MGMT: variants seen among roughly 807,000 people sequenced by gnomAD.
MGMT encodes the protein methylated-DNA--protein-cysteine methyltransferase.
A neutral mutation model predicts 15.9 loss-of-function variants in MGMT; 14 were observed. The ratio of observed to expected loss-of-function variants is 0.88; its 90% CI spans 0.58 to 1.37. The LOEUF is 1.37. Ranked by LOEUF, MGMT falls within the 40% of genes most tolerant of loss-of-function variation. The pLI is 0.00. For missense variants in MGMT, 282 were observed against 268.1 expected (o/e 1.05, Z -0.36); for synonymous variants, 130 against 118.2 (o/e 1.10, Z -0.65).
intron 1 of MGMT, among the ~76,000 whole-genome samples, chr10:129,521,157 T>G (rs12265555): frequency 0.25 from 37,779 of 152,032 alleles, 5,643 homozygotes; most frequent in African/African-American, 0.42. Context: ...TGTCTGGGCC[T>G]CTCAGAGCTC....
chr10:129,741,604 A>G (rs1848634323), intron 3 of MGMT, among the ~76,000 whole-genome samples: 2 of 152,062 alleles, frequency 1.3e-5, no homozygotes, highest in Non-Finnish European at 2.9e-5. Context: ...TTTTGGGGAG[A>G]GGGAGGCGGT....
rs115671092 is a variant in MGMT, at chr10:129,591,178, C to T, written c.125+54801C>T. On this transcript the variant is annotated intron_variant, in intron 2 of 4. Coordinates refer to ENST00000651593, the MANE Select transcript of MGMT (RefSeq NM_002412.5). ...AAGGCGAGACTGGCCAGAACTGGGA[C>T]GGGCATGATGAGTGGCCGTGTTTCA... is the stretch of plus-strand genomic sequence containing the variant. Among the ~76,000 whole-genome samples, 813 of 152,204 alleles carry T rather than the reference C, an allele frequency of 5.3e-3. 7 individuals carry two copies. The highest frequency in any genetic ancestry group is 0.019 in the African/African-American group (769 of 41,532).
chr10:129,626,873 G>A (rs1345255446), intron 2 of MGMT, among the ~76,000 whole-genome samples: 1 of 152,242 alleles, frequency 6.6e-6, no homozygotes, highest in East Asian at 1.9e-4. Context: ...TGGAGCTGGT[G>A]TAAGGAGATG....
intron 2 of MGMT, chr10:129,701,171 G>A (rs1848094911): frequency 6.6e-6 from 1 of 152,262 alleles, no homozygotes; most frequent in South Asian, 2.1e-4. Context: ...TGGAAGCCTT[G>A]CGTCCAAGCT....
intron 2 of MGMT, among the ~76,000 whole-genome samples, chr10:129,575,381 C>T (rs1341471742): frequency 1.3e-5 from 2 of 151,868 alleles, no homozygotes; most frequent in African/African-American, 4.8e-5. Flanking sequence ...TTAAGAATCT[C>T]ACTCAAAACC....
rs145803324 is a variant in MGMT, at chr10:129,503,243, G to T, written c.-12-32998G>T. On this transcript the variant is annotated intron_variant, in intron 1 of 4. Transcript: ENST00000651593. ...TATTGTGCAATGCACTTGGGGGTCAGCTACACTTGACTGATGCATGATTTA... is the reference window on the plus strand; with the variant it reads ...TATTGTGCAATGCACTTGGGGGTCATCTACACTTGACTGATGCATGATTTA... 5.9e-3 allele frequency among the ~76,000 whole-genome samples: 895 copies of T among 152,268 alleles called. 10 individuals carry two copies. The highest frequency in any genetic ancestry group is 0.024 in the Middle Eastern group (7 of 294).
intron 2 of MGMT, among the ~76,000 whole-genome samples, chr10:129,562,409 A>G (rs767227160): frequency 3.9e-5 from 6 of 152,232 alleles, no homozygotes; most frequent in Non-Finnish European, 5.9e-5. Context: ...CTCGTGGTAC[A>G]AAAACATGGA....
At chr10:129,567,176 C>T (rs938752503) in intron 2 of MGMT, among the ~76,000 whole-genome samples, 7 of 152,168 alleles carry the variant, frequency 4.6e-5, no homozygotes, top group Non-Finnish European at 7.3e-5. Flanking sequence ...GCGTTCAGCC[C>T]GTGCGGGTGG....
At chr10:129,530,851 C>G (rs1473139116) in intron 1 of MGMT, among the ~76,000 whole-genome samples, 1 of 152,228 alleles carries the variant, frequency 6.6e-6, no homozygotes, top group Non-Finnish European at 1.5e-5. Context: ...TGGCTCCTCG[C>G]CCGGGGGCCC....
At chr10:129,700,772 A>G (rs990067793) in intron 2 of MGMT, 3 of 152,266 alleles carry the variant, frequency 2.0e-5, no homozygotes, top group African/African-American at 7.2e-5. Flanking sequence ...CCCCTGAAAG[A>G]AAACATCTGA....
chr10:129,570,638 TA>T (rs1297042710), intron 2 of MGMT, among the ~76,000 whole-genome samples: 2 of 152,252 alleles, frequency 1.3e-5, no homozygotes, highest in African/African-American at 4.8e-5. Flanking sequence ...TATTACCTAC[TA>T]AATCTAATCT....
intron 1 of MGMT, among the ~76,000 whole-genome samples, chr10:129,500,220 C>A (rs1047280206): frequency 6.6e-6 from 1 of 152,144 alleles, no homozygotes. Context: ...TCCTCATTGG[C>A]GCTGATTTGG....
At chr10:129,646,669 G>A (rs1385493351) in intron 2 of MGMT, among the ~76,000 whole-genome samples, 10 of 145,318 alleles carry the variant, frequency 6.9e-5, no homozygotes, top group Non-Finnish European at 1.5e-4. Context: ...GCATTATGGG[G>A]AATGCAAAAT....
chr10:129,605,396 A>G (rs1448221235), intron 2 of MGMT, among the ~76,000 whole-genome samples: 1 of 152,096 alleles, frequency 6.6e-6, no homozygotes, highest in Non-Finnish European at 1.5e-5. Flanking sequence ...ATTAATTTCT[A>G]TTCTGTTTTC....
chr10:129,754,126 C>T (rs1031095138), intron 3 of MGMT, among the ~76,000 whole-genome samples: 1 of 152,112 alleles, frequency 6.6e-6, no homozygotes, highest in African/African-American at 2.4e-5. Flanking sequence ...GTCAGATACA[C>T]ATGTGCATAG....
intron 2 of MGMT, among the ~76,000 whole-genome samples, chr10:129,577,045 C>G (rs1846491936): frequency 6.6e-6 from 1 of 152,048 alleles, no homozygotes; most frequent in Non-Finnish European, 1.5e-5. Flanking sequence ...AGGATACAAA[C>G]AAATGGAAGA....
intron 3 of MGMT, among the ~76,000 whole-genome samples, chr10:129,724,378 T>C (rs1294046005): frequency 6.6e-6 from 1 of 152,156 alleles, no homozygotes; most frequent in East Asian, 1.9e-4. Flanking sequence ...GAACTGCTTC[T>C]GGGGTTGTGC....
intron 3 of MGMT, among the ~76,000 whole-genome samples, chr10:129,719,630 C>T (rs902040588): frequency 4.6e-5 from 7 of 152,152 alleles, no homozygotes; most frequent in Admixed American, 2.0e-4. Flanking sequence ...ATATCATAAT[C>T]TCCCCTTCTT....
chr10:129,639,433 A>C (rs1847302102), intron 2 of MGMT, among the ~76,000 whole-genome samples: 1 of 152,216 alleles, frequency 6.6e-6, no homozygotes, highest in Non-Finnish European at 1.5e-5. Flanking sequence ...TGGAGATTTC[A>C]CCATTTCTTA....
Sources: allele counts gnomAD v4.1 joint callset (sites outside exome capture counted in the v4.1 genomes callset), GRCh38; gene constraint gnomAD v4.1.1; transcripts MANE v1.5; gene names NCBI Gene and HGNC (gene_info 2026-07-23, HGNC 2026-07-21).